TENM2: variants seen among roughly 807,000 people sequenced by gnomAD.
The protein encoded by TENM2 is teneurin-2.
A neutral mutation model predicts 245.2 loss-of-function variants in TENM2; 52 were observed. The observed-to-expected ratio is 0.21, with a 90% CI of 0.17 to 0.27. The LOEUF is 0.27. TENM2 is among the 10% of genes least tolerant of loss of function. TENM2 has a pLI of 1.00. For synonymous variants in TENM2, 1,363 were observed against 1,438.9 expected (o/e 0.95, Z 1.19); for missense variants, 3,046 against 3,666.8 (o/e 0.83, Z 4.37).
the TENM2 span, among the ~76,000 whole-genome samples, chr5:167,059,924 A>G: frequency 6.6e-6 from 1 of 152,040 alleles, no homozygotes; most frequent in Non-Finnish European, 1.5e-5. Context: ...GCTGTTCTCA[A>G]ACTCCTGACT....
chr5:167,530,775 T>C (rs1384383396), intron 2 of TENM2, among the ~76,000 whole-genome samples: 3 of 152,196 alleles, frequency 2.0e-5, no homozygotes, highest in Non-Finnish European at 4.4e-5. Flanking sequence ...GCGGCTTCTC[T>C]TCCAGCAAGC....
At chr5:167,908,985 A>G (rs1776333260) in intron 3 of TENM2, among the ~76,000 whole-genome samples, 3 of 151,894 alleles carry the variant, frequency 2.0e-5, no homozygotes, top group Non-Finnish European at 2.9e-5. Flanking sequence ...GTTATGCATG[A>G]CTTAAATAAT....
At chr5:167,867,014 T>G (rs562165486) in intron 2 of TENM2, among the ~76,000 whole-genome samples, 1 of 152,254 alleles carries the variant, frequency 6.6e-6, no homozygotes, top group African/African-American at 2.4e-5. Context: ...TCTGGACAAC[T>G]ACACATGACC....
At chr5:167,397,545 T>C (rs2127378532) in intron 2 of TENM2, among the ~76,000 whole-genome samples, 1 of 152,290 alleles carries the variant, frequency 6.6e-6, no homozygotes, top group Middle Eastern at 3.4e-3. Context: ...CCTTCTCATT[T>C]TGAAGAGATA....
chr5:167,156,241 A>C, the TENM2 span, among the ~76,000 whole-genome samples: 4 of 152,178 alleles, frequency 2.6e-5, no homozygotes, highest in African/African-American at 9.6e-5. Flanking sequence ...AGGGTGCACA[A>C]CTATTGCTCC....
chr5:167,330,351 A>T (rs534945938), intron 1 of TENM2, among the ~76,000 whole-genome samples: 2 of 152,158 alleles, frequency 1.3e-5, no homozygotes, highest in Non-Finnish European at 2.9e-5. Context: ...TTCTGTTTAC[A>T]TAGGGACGCT....
intron 2 of TENM2, among the ~76,000 whole-genome samples, chr5:167,615,608 G>T (rs1040719436): frequency 2.6e-5 from 4 of 152,064 alleles, no homozygotes; most frequent in Non-Finnish European, 5.9e-5. Context: ...CATTCAGAGG[G>T]GGACTTAGAC....
At chr5:167,117,868 G>A in the TENM2 span, among the ~76,000 whole-genome samples, 610 of 124,236 alleles carry the variant, frequency 4.9e-3, 2 homozygotes, top group South Asian at 8.6e-3. Flanking sequence ...ACTGTCGAAT[G>A]TCCCCATGAG....
At chr5:167,300,899 A>G (rs951856483) in intron 1 of TENM2, among the ~76,000 whole-genome samples, 3 of 152,148 alleles carry the variant, frequency 2.0e-5, no homozygotes, top group African/African-American at 7.2e-5. Flanking sequence ...ATAACTAAAA[A>G]GGAGTGCTTA....
the TENM2 span, among the ~76,000 whole-genome samples, chr5:167,028,656 A>G: frequency 6.6e-6 from 1 of 152,124 alleles, no homozygotes; most frequent in Non-Finnish European, 1.5e-5. Flanking sequence ...ATATTAATAT[A>G]TAAAACATAC....
At chr5:167,242,395 C>A in the TENM2 span, among the ~76,000 whole-genome samples, 1 of 147,734 alleles carries the variant, frequency 6.8e-6, no homozygotes, top group South Asian at 2.2e-4. Flanking sequence ...TAGAAAAACT[C>A]CTGACACGTA....
intron 2 of TENM2, among the ~76,000 whole-genome samples, chr5:167,716,944 C>CTATTTTATTT (rs1759312935): frequency 1.4e-5 from 1 of 69,498 alleles, no homozygotes; most frequent in East Asian, 7.1e-4. Context: ...TTATTTTATT[C>CTATTTTATTT]TATTCTATTC....
chr5:168,198,820 AC>A, intron 15 of TENM2, 32 bp from the exon 18 acceptor site: 1 of 1,603,672 alleles, frequency 6.2e-7, no homozygotes, highest in South Asian at 1.1e-5. Flanking sequence ...AAGTGAGTCT[AC>A]CCCCTCATCA....
At chr5:167,248,542 C>A in the TENM2 span, among the ~76,000 whole-genome samples, 1 of 152,072 alleles carries the variant, frequency 6.6e-6, no homozygotes, top group Non-Finnish European at 1.5e-5. Context: ...ACTTTGAAAA[C>A]GCTAGAGGAA....
chr5:167,691,501 T>C (rs1315020249), intron 2 of TENM2, among the ~76,000 whole-genome samples: 1 of 152,152 alleles, frequency 6.6e-6, no homozygotes, highest in African/African-American at 2.4e-5. Context: ...TTAAGATCAG[T>C]TTAAATTGAA....
At chr5:167,827,688 CT>C (rs1768105654) in intron 2 of TENM2, among the ~76,000 whole-genome samples, 1 of 142,742 alleles carries the variant, frequency 7.0e-6, no homozygotes, top group Non-Finnish European at 1.5e-5. Flanking sequence ...TTTAAAACTT[CT>C]TACCTGAGGA....
At chr5:167,376,944 C>A (rs1342351592) in intron 2 of TENM2, among the ~76,000 whole-genome samples, 1 of 152,126 alleles carries the variant, frequency 6.6e-6, no homozygotes, top group Admixed American at 6.6e-5. Context: ...ATTTATGGCA[C>A]ATTTTAAACA....
the TENM2 span, among the ~76,000 whole-genome samples, chr5:167,120,444 C>A: frequency 6.6e-6 from 1 of 152,308 alleles, no homozygotes; most frequent in Non-Finnish European, 1.5e-5. Flanking sequence ...CGAGGAAAAT[C>A]ACAAAAGTGA....
At chr5:167,722,810 AC>A (rs1236804308) in intron 2 of TENM2, among the ~76,000 whole-genome samples, 7 of 152,176 alleles carry the variant, frequency 4.6e-5, no homozygotes, top group Non-Finnish European at 8.8e-5. Flanking sequence ...ACAAAAAAAA[AC>A]AACTTTTGAG....
Sources: gnomAD v4.1 joint callset for allele counts (sites outside exome capture counted in the v4.1 genomes callset) on GRCh38, gnomAD v4.1.1 for gene constraint, MANE v1.5 for transcripts, NCBI Gene and HGNC (gene_info 2026-07-23, HGNC 2026-07-21) for gene names.